IARS1: variants seen among roughly 807,000 people sequenced by gnomAD.
The protein encoded by IARS1 is isoleucyl-tRNA synthetase 1.
Under a neutral mutation model 168.2 loss-of-function variants are expected in IARS1, and 124 were observed. The observed-to-expected ratio is 0.74, with a 90% CI of 0.64 to 0.86. IARS1 has a LOEUF of 0.86. IARS1 is among the 40% of genes least tolerant of loss of function. The pLI, the probability that IARS1 is intolerant of heterozygous loss-of-function variation, is 0.00. For synonymous variants in IARS1, 532 were observed against 529.4 expected (o/e 1.00, Z -0.07); for missense variants, 1,452 against 1,515.8 (o/e 0.96, Z 0.70).
chr9:92,278,585 T>C (rs866549869), intron 7 of IARS1, among the ~76,000 whole-genome samples: 1 of 152,210 alleles, frequency 6.6e-6, no homozygotes, highest in African/African-American at 2.4e-5. Flanking sequence ...TGTTTAAAAA[T>C]AACATTGACA....
intron 33 of IARS1, among the ~76,000 whole-genome samples, chr9:92,211,349 GTCTC>G (rs369965185): frequency 2.0e-5 from 3 of 146,980 alleles, no homozygotes; most frequent in East Asian, 2.0e-4. Context: ...TGACTCCAGG[GTCTC>G]TCTCTCTCTC....
At chr9:92,216,359 A>G (rs1838690928) in intron 33 of IARS1, among the ~76,000 whole-genome samples, 2 of 151,798 alleles carry the variant, frequency 1.3e-5, no homozygotes, top group Admixed American at 1.3e-4. Flanking sequence ...AAGAAACTAC[A>G]TCAACTAACG....
intron 33 of IARS1, among the ~76,000 whole-genome samples, chr9:92,213,192 C>T (rs930761876): frequency 7.9e-5 from 12 of 151,964 alleles, no homozygotes; most frequent in African/African-American, 2.9e-4. Flanking sequence ...ATAATGACTC[C>T]CATGGGGTCT....
chr9:92,255,309 T>C (rs1044800084), intron 20 of IARS1, among the ~76,000 whole-genome samples: 1 of 152,202 alleles, frequency 6.6e-6, no homozygotes, highest in Admixed American at 6.5e-5. Flanking sequence ...TGGCGGCCGC[T>C]GCTCCTGCCC....
intron 19 of IARS1, 89 bp downstream of exon 19, chr9:92,258,765 A>C: frequency 7.5e-7 from 1 of 1,340,250 alleles, no homozygotes. Context: ...GCAGCCCTAA[A>C]GTCTCACACA....
At chr9:92,282,833 C>T (rs1302877105) in intron 6 of IARS1, among the ~76,000 whole-genome samples, 1 of 141,802 alleles carries the variant, frequency 7.1e-6, no homozygotes, top group African/African-American at 2.7e-5. Flanking sequence ...TATATACATA[C>T]ACACACATAT....
intron 4 of IARS1, 42 bp from the exon 5 acceptor site, chr9:92,286,660 T>A: frequency 2.8e-6 from 3 of 1,079,516 alleles, no homozygotes; most frequent in Non-Finnish European, 4.2e-6. Context: ...ACAATGATAT[T>A]TATAATTGTA....
At chr9:92,248,800 A>G (rs934093263) in intron 25 of IARS1, among the ~76,000 whole-genome samples, 1 of 152,156 alleles carries the variant, frequency 6.6e-6, no homozygotes, top group African/African-American at 2.4e-5. Context: ...AACATTTTCT[A>G]TAATAATGAT....
rs1035708994 is a variant in IARS1, at chr9:92,250,366, G to A, written c.2430-77C>T. 1.1e-4 allele frequency: 100 copies of A among 917,542 alleles called. No individual in the cohort carries two copies. In the East Asian group the frequency reaches 1.1e-3, roughly 10 times the overall value. 56.8% of individuals were successfully genotyped at this position (917,542 alleles called of 1,614,324 possible). On this transcript the variant is annotated intron_variant, in intron 23 of 33. Transcript: ENST00000443024. ...TTGAAGGCACTAGGCATGCATAAGC[G>A]AGGAAGAGGGTCAGGCTAGAGAAGT... is the stretch of plus-strand genomic sequence containing the variant.
chr9:92,248,948 T>C (rs948464305), intron 25 of IARS1, among the ~76,000 whole-genome samples: 2 of 152,140 alleles, frequency 1.3e-5, no homozygotes, highest in African/African-American at 4.8e-5. Flanking sequence ...TATCATGGAA[T>C]AAAAATGTTT....
Position 92,244,960 on chromosome 9 carries a change from T to G in IARS1, c.2903A>C (p.Gln968Pro). 4 of 1,612,238 alleles carry G rather than the reference T, an allele frequency of 2.5e-6. No individual in the cohort carries two copies. The highest frequency in any genetic ancestry group is 3.4e-6 in the Non-Finnish European group (4 of 1,178,278). ...ATGTTCTAGGAAACAGAAAAATACC[T>G]GAGCATCTGAGTGTGCTTCAAATTG... is the stretch of plus-strand genomic sequence containing the variant. Reference protein sequence around the residue: ...TAQFEAHSDAQALVLLDVTPD... With the variant: ...TAQFEAHSDAPALVLLDVTPD... The change falls in exon 27 of 34, where the codon CAG becomes CCG. Residue 968 changes from glutamine (Q) to proline (P), a missense_variant and splice_region_variant. Physicochemically the swap from Gln to Pro is moderately conservative, Grantham distance 76 (BLOSUM62 -1). Transcript: ENST00000443024.
chr9:92,215,616 G>T (rs1038917566), intron 33 of IARS1, among the ~76,000 whole-genome samples: 1 of 152,012 alleles, frequency 6.6e-6, no homozygotes, highest in Non-Finnish European at 1.5e-5. Flanking sequence ...CGAGAACTAC[G>T]TGAAGAATGC....
chr9:92,222,457 G>A (rs760889800), intron 33 of IARS1, 63 bp downstream of exon 33: 3 of 1,407,152 alleles, frequency 2.1e-6, no homozygotes, highest in Admixed American at 3.6e-5. Context: ...GCTACAAATG[G>A]TTAATGGCAT....
chr9:92,242,271 T>C lies in IARS1; in HGVS notation c.3060A>G (p.Thr1020=), dbSNP rs1446308953. 1.9e-6 allele frequency: 3 copies of C among 1,614,008 alleles called. No individual in the cohort carries two copies. The highest frequency in any genetic ancestry group is 2.2e-5 in the East Asian group (1 of 44,886). The change falls in exon 29 of 34, where the codon ACA becomes ACG. Residue 1020 remains threonine (T), a synonymous_variant. Transcript: ENST00000443024. ...TVYYKAKSEG[T]YLNSVIESHT... ...GGCTTTCAATAACACTATTCAGATATGTTCCTTCAGACTTTGCTTTATAGT... is the reference window on the plus strand; with the variant it reads ...GGCTTTCAATAACACTATTCAGATACGTTCCTTCAGACTTTGCTTTATAGT...
In IARS1 at chr9:92,210,663, T is replaced by C. The variant is rs1274244747; in HGVS notation, c.*144A>G. 6 of 594,070 alleles carry C rather than the reference T, an allele frequency of 1.0e-5. No individual in the cohort carries two copies. Among genetic ancestry groups the C allele is most frequent in the Non-Finnish European group, 1.9e-5 (6 of 323,374 alleles). The allele number at this position is 594,070 out of a possible 1,614,324, so 36.8% of individuals were successfully genotyped here. ...AAGTTACTTGACTAATCAATCCCAT[T>C]TGAATTTCAATCCAAGCAGCATATT... On this transcript the variant is annotated 3_prime_UTR_variant, in exon 34 of 34. Transcript: ENST00000443024.
intron 33 of IARS1, among the ~76,000 whole-genome samples, chr9:92,216,824 G>T (rs1196391153): frequency 7.5e-6 from 1 of 133,420 alleles, no homozygotes. Flanking sequence ...ATTAATAATG[G>T]GAGACTTTAA....
chr9:92,256,022 T>TAAA (rs34796593), intron 20 of IARS1, among the ~76,000 whole-genome samples: 6 of 139,794 alleles, frequency 4.3e-5, no homozygotes, highest in African/African-American at 1.3e-4. Context: ...TATGTACCCA[T>TAAA]AAAAAAAAAA....
intron 20 of IARS1, chr9:92,253,897 T>C (rs559545893): frequency 1.5e-5 from 7 of 465,716 alleles, no homozygotes; most frequent in Middle Eastern, 3.2e-4. Context: ...AGGCACAGCA[T>C]AGGCCAGTGA....
chr9:92,226,290 T>C (rs1029571116), intron 31 of IARS1, among the ~76,000 whole-genome samples: 1 of 152,158 alleles, frequency 6.6e-6, no homozygotes, highest in Non-Finnish European at 1.5e-5. Flanking sequence ...TGAATGAGAG[T>C]TCCCATTATG....
Sources: allele counts gnomAD v4.1 joint callset (sites outside exome capture counted in the v4.1 genomes callset), GRCh38; gene constraint gnomAD v4.1.1; transcripts MANE v1.5; gene names NCBI Gene and HGNC (gene_info 2026-07-23, HGNC 2026-07-21).